Variants in CDC42BPA observed in about 807,000 individuals in gnomAD.
CDC42BPA encodes CDC42 binding protein kinase alpha.
In CDC42BPA, 80 loss-of-function variants were observed where a neutral mutation model predicts 223.5. The ratio of observed to expected loss-of-function variants is 0.36; its 90% CI spans 0.30 to 0.43. The LOEUF (loss-of-function observed/expected upper bound fraction) is 0.43. Among genes scored for constraint, CDC42BPA ranks in the 20% least tolerant of loss-of-function variants. The pLI is 1.00. For missense variants in CDC42BPA, 1,743 were observed against 2,099.9 expected, an observed-to-expected ratio of 0.83 and a Z score of 3.32; for synonymous variants, 694 against 718.6, an observed-to-expected ratio of 0.97 and a Z score of 0.55.
At chr1:227,118,030 CTAAT>C (rs1301515754) in intron 12 of CDC42BPA, among the ~76,000 whole-genome samples, 1 of 152,164 alleles carries the variant, frequency 6.6e-6, no homozygotes, top group African/African-American at 2.4e-5. Flanking sequence ...GACCTCATTA[CTAAT>C]TAGAGAAATG....
At chr1:227,213,748 C>T (rs1674348753) in intron 2 of CDC42BPA, among the ~76,000 whole-genome samples, 1 of 151,946 alleles carries the variant, frequency 6.6e-6, no homozygotes, top group African/African-American at 2.4e-5. Flanking sequence ...ATACCATAAC[C>T]CCCAAACCAC....
intron 1 of CDC42BPA, among the ~76,000 whole-genome samples, chr1:227,277,463 AC>A (rs1407069215): frequency 3.9e-5 from 6 of 152,232 alleles, no homozygotes; most frequent in Non-Finnish European, 7.3e-5. Flanking sequence ...AAGACTACAG[AC>A]TAATCTCTCT....
intron 5 of CDC42BPA, among the ~76,000 whole-genome samples, chr1:227,191,429 G>A (rs1330240297): frequency 2.0e-5 from 3 of 151,704 alleles, no homozygotes; most frequent in Non-Finnish European, 4.4e-5. Context: ...GAATAAATAC[G>A]ATTCATTTAA....
intron 35 of CDC42BPA, among the ~76,000 whole-genome samples, chr1:226,998,638 A>G (rs1270558854): frequency 2.0e-5 from 3 of 152,256 alleles, no homozygotes; most frequent in Non-Finnish European, 1.5e-5. Flanking sequence ...TTATGCAAAA[A>G]TTAACTCAAG....
intron 14 of CDC42BPA, among the ~76,000 whole-genome samples, chr1:227,102,296 AT>A (rs1208647282): frequency 7.2e-5 from 11 of 152,144 alleles, no homozygotes; most frequent in Admixed American, 1.3e-4. Flanking sequence ...AATATTAACC[AT>A]TTATCGAAAA....
intron 15 of CDC42BPA, among the ~76,000 whole-genome samples, chr1:227,096,980 C>A (rs1241750443): frequency 6.6e-6 from 1 of 152,112 alleles, no homozygotes; most frequent in African/African-American, 2.4e-5. Context: ...CCCACCACCC[C>A]ATCTATGTCC....
chr1:227,117,377 C>A (rs1687929319), intron 12 of CDC42BPA, among the ~76,000 whole-genome samples: 1 of 152,108 alleles, frequency 6.6e-6, no homozygotes, highest in African/African-American at 2.4e-5. Context: ...AGTGCAGTGA[C>A]ATGATCATGG....
intron 26 of CDC42BPA, 116 bp from the exon 27 acceptor site, chr1:227,033,531 ATTTTTT>A: frequency 1.6e-6 from 1 of 630,078 alleles, no homozygotes; most frequent in Admixed American, 2.8e-5. Context: ...CCCAAATTTA[ATTTTTT>A]AAAAAAATTA....
At chr1:227,123,986 G>T (rs1473639858) in intron 11 of CDC42BPA, among the ~76,000 whole-genome samples, 1 of 151,758 alleles carries the variant, frequency 6.6e-6, no homozygotes, top group Non-Finnish European at 1.5e-5. Context: ...TTTTCATTTA[G>T]GAGACAAAAA....
At chr1:227,255,591 C>A (rs1208837229) in intron 1 of CDC42BPA, among the ~76,000 whole-genome samples, 1 of 152,134 alleles carries the variant, frequency 6.6e-6, no homozygotes, top group East Asian at 1.9e-4. Flanking sequence ...GTATTCGAGG[C>A]TGCAATGAGT....
intron 1 of CDC42BPA, among the ~76,000 whole-genome samples, chr1:227,261,182 C>T (rs1300563848): frequency 7.3e-6 from 1 of 137,642 alleles, no homozygotes; most frequent in African/African-American, 2.8e-5. Context: ...GTGGTGTGAT[C>T]TCACCTCACT....
chr1:227,132,459 G>A (rs1206100795), intron 10 of CDC42BPA, among the ~76,000 whole-genome samples: 1 of 142,684 alleles, frequency 7.0e-6, no homozygotes, highest in African/African-American at 2.7e-5. Context: ...CTGGAGTGCA[G>A]TGGCGTGATC....
At chr1:227,191,114 C>T (rs1056208610) in intron 5 of CDC42BPA, among the ~76,000 whole-genome samples, 4 of 151,932 alleles carry the variant, frequency 2.6e-5, no homozygotes, top group Admixed American at 6.6e-5. Context: ...GAGGCTGAGG[C>T]GGGAAGATCA....
intron 3 of CDC42BPA, among the ~76,000 whole-genome samples, chr1:227,210,171 G>T (rs545512314): frequency 6.6e-6 from 1 of 152,068 alleles, no homozygotes; most frequent in Non-Finnish European, 1.5e-5. Context: ...GAATAGTGCC[G>T]CAATAAACAT....
At chr1:227,131,520 A>G (rs1657102234) in intron 10 of CDC42BPA, among the ~76,000 whole-genome samples, 1 of 152,226 alleles carries the variant, frequency 6.6e-6, no homozygotes, top group African/African-American at 2.4e-5. Context: ...GCAGATATGA[A>G]GATGGAATTC....
intron 15 of CDC42BPA, among the ~76,000 whole-genome samples, chr1:227,097,723 T>G (rs1459453821): frequency 1.3e-5 from 2 of 152,170 alleles, no homozygotes; most frequent in East Asian, 3.8e-4. Flanking sequence ...GACCTTCTTC[T>G]AGGAGCACTC....
At chr1:227,086,363 G>A (rs2149196878) in intron 16 of CDC42BPA, among the ~76,000 whole-genome samples, 1 of 152,264 alleles carries the variant, frequency 6.6e-6, no homozygotes, top group African/African-American at 2.4e-5. Context: ...CAGGTTGTAT[G>A]GTAAGTATAT....
At chr1:227,265,609 C>T (rs1044383798) in intron 1 of CDC42BPA, among the ~76,000 whole-genome samples, 6 of 147,238 alleles carry the variant, frequency 4.1e-5, no homozygotes, top group Admixed American at 2.1e-4. Flanking sequence ...AGCCTGGTGA[C>T]GACAGAGCGA....
At chr1:227,240,350 A>C (rs1483925501) in intron 2 of CDC42BPA, among the ~76,000 whole-genome samples, 1 of 152,124 alleles carries the variant, frequency 6.6e-6, no homozygotes, top group Non-Finnish European at 1.5e-5. Context: ...TGGTCCTCCC[A>C]AAATTTATCT....
Sources: allele counts gnomAD v4.1 joint callset (sites outside exome capture counted in the v4.1 genomes callset), GRCh38; gene constraint gnomAD v4.1.1; transcripts MANE v1.5; gene names NCBI Gene and HGNC (gene_info 2026-07-23, HGNC 2026-07-21).